CCDC170: variants seen among roughly 807,000 people sequenced by gnomAD.
CCDC170 encodes the protein coiled-coil domain-containing protein 170.
In CCDC170, 69 loss-of-function variants were observed where a neutral mutation model predicts 72.6. The ratio of observed to expected loss-of-function variants is 0.95; its 90% CI spans 0.78 to 1.16. The LOEUF (loss-of-function observed/expected upper bound fraction) is 1.16. Among genes scored for constraint, CCDC170 ranks in the 50% most tolerant of loss-of-function variants. The pLI, the probability that CCDC170 is intolerant of heterozygous loss-of-function variation, is 0.00. For synonymous variants in CCDC170, 300 were observed against 303.9 expected (o/e 0.99, Z 0.13); for missense variants, 852 against 832.5 (o/e 1.02, Z -0.29).
At chr6:151,609,388 C>T (rs1463591823) in intron 9 of CCDC170, among the ~76,000 whole-genome samples, 1 of 152,184 alleles carries the variant, frequency 6.6e-6, no homozygotes, top group Admixed American at 6.5e-5. Context: ...AACCTTCCAG[C>T]TGGAGAATTT....
Position 151,499,605 on chromosome 6 carries a change from G to A in CCDC170, c.57+5420G>A, listed in dbSNP as rs1478394226. On this transcript the variant is annotated intron_variant, in intron 1 of 10. Coordinates refer to ENST00000239374, the MANE Select transcript of CCDC170 (RefSeq NM_025059.4). ...CACGCTGTATAAGTGGAATCAGACC[G>A]TATTTGACTATTTTAGGCACGCTGC... Among the ~76,000 whole-genome samples, 3 of 148,860 alleles carry A rather than the reference G, an allele frequency of 2.0e-5. 1 individual carries two copies. The highest frequency in any genetic ancestry group is 7.7e-5 in the African/African-American group (3 of 39,206).
chr6:151,548,981 G>A (rs1782829954), intron 5 of CCDC170, among the ~76,000 whole-genome samples: 2 of 151,964 alleles, frequency 1.3e-5, no homozygotes, highest in African/African-American at 4.8e-5. Flanking sequence ...GCTTGCTGAA[G>A]CTCCGCCACC....
chr6:151,517,244 A>G (rs527641881), intron 1 of CCDC170, among the ~76,000 whole-genome samples: 2 of 152,222 alleles, frequency 1.3e-5, no homozygotes, highest in East Asian at 3.9e-4. Flanking sequence ...AGGCAGGAGA[A>G]TTGCTTGAAT....
intron 1 of CCDC170, among the ~76,000 whole-genome samples, chr6:151,533,228 T>TG (rs1173521274): frequency 4.6e-5 from 7 of 151,146 alleles, no homozygotes; most frequent in Admixed American, 6.6e-5. Flanking sequence ...TAATTTTTTT[T>TG]TATTTTTAGT....
intron 1 of CCDC170, among the ~76,000 whole-genome samples, chr6:151,513,194 A>G (rs377706585): frequency 6.6e-6 from 1 of 152,236 alleles, no homozygotes; most frequent in Admixed American, 6.5e-5. Flanking sequence ...ACATTTTAAA[A>G]GAACACTTGG....
At chr6:151,508,003 A>G (rs1218783842) in intron 1 of CCDC170, among the ~76,000 whole-genome samples, 1 of 152,136 alleles carries the variant, frequency 6.6e-6, no homozygotes, top group Non-Finnish European at 1.5e-5. Context: ...ATAATAGAAA[A>G]TTCAGTCTTA....
At chr6:151,503,102 G>A (rs200284855) in intron 1 of CCDC170, among the ~76,000 whole-genome samples, 11 of 152,056 alleles carry the variant, frequency 7.2e-5, no homozygotes, top group African/African-American at 9.7e-5. Context: ...GCTTGAAACC[G>A]GGAGGCAGAG....
intron 6 of CCDC170, among the ~76,000 whole-genome samples, chr6:151,573,713 G>T (rs551264428): frequency 6.6e-6 from 1 of 152,200 alleles, no homozygotes; most frequent in Non-Finnish European, 1.5e-5. Context: ...CACATCTTAC[G>T]TGGTGGCAGG....
Position 151,596,513 on chromosome 6 carries a change from T to C in CCDC170, c.1646T>C (p.Leu549Pro). The C allele has an allele frequency of 6.2e-7, 1 of 1,614,134 alleles. No individual in the cohort carries two copies. The highest frequency in any genetic ancestry group is 8.5e-7 in the Non-Finnish European group (1 of 1,180,022). ...AAGGTGGAGAGGCTGCAGAAAGAGC[T>C]GAACACGTGTCGAGACTTGCACACC... The part of the protein sequence containing the change: ...QKKVERLQKE[L>P]NTCRDLHTEL... The change falls in exon 9 of 11, where the codon CTG (leucine) becomes CCG (proline). Residue 549 changes from leucine (L) to proline (P), a missense_variant. Physicochemically the swap from Leu to Pro is moderately conservative, Grantham distance 98 (BLOSUM62 -3). Transcript: ENST00000239374.
At chr6:151,573,731 G>A (rs1009074795) in intron 6 of CCDC170, among the ~76,000 whole-genome samples, 1 of 152,240 alleles carries the variant, frequency 6.6e-6, no homozygotes, top group Non-Finnish European at 1.5e-5. Flanking sequence ...AGGCAAGAGA[G>A]AGAGTGTGCA....
At chr6:151,545,158 G>C (rs926331055) in intron 4 of CCDC170, among the ~76,000 whole-genome samples, 1 of 152,104 alleles carries the variant, frequency 6.6e-6, no homozygotes, top group African/African-American at 2.4e-5. Flanking sequence ...GGTGACTCAC[G>C]CCTGTAATCC....
At chr6:151,533,341 G>C (rs551794387) in intron 1 of CCDC170, among the ~76,000 whole-genome samples, 2 of 151,458 alleles carry the variant, frequency 1.3e-5, no homozygotes. Flanking sequence ...GGTGTGAGCC[G>C]CCGCACCTGG....
intron 6 of CCDC170, among the ~76,000 whole-genome samples, chr6:151,573,968 G>C (rs1011714461): frequency 6.6e-6 from 1 of 152,206 alleles, no homozygotes; most frequent in Non-Finnish European, 1.5e-5. Flanking sequence ...TTAAGGCCAG[G>C]CCTGGTGGCC....
At chr6:151,608,451 C>T (rs1044033789) in intron 9 of CCDC170, among the ~76,000 whole-genome samples, 27 of 152,152 alleles carry the variant, frequency 1.8e-4, no homozygotes, top group African/African-American at 5.8e-4. Flanking sequence ...TTTATGAAAC[C>T]GCTTTTGTAG....
At chr6:151,525,598 T>C (rs1002737679) in intron 1 of CCDC170, among the ~76,000 whole-genome samples, 12 of 152,148 alleles carry the variant, frequency 7.9e-5, no homozygotes, top group African/African-American at 2.9e-4. Flanking sequence ...ACCACAAAAA[T>C]TGCTCCTACC....
intron 1 of CCDC170, among the ~76,000 whole-genome samples, chr6:151,496,800 G>T (rs1014238796): frequency 1.3e-5 from 2 of 152,178 alleles, no homozygotes; most frequent in Non-Finnish European, 2.9e-5. Context: ...AACAATTAAT[G>T]TATCAGCATT....
intron 1 of CCDC170, among the ~76,000 whole-genome samples, chr6:151,515,148 T>A (rs1250498720): frequency 1.3e-5 from 2 of 152,264 alleles, no homozygotes; most frequent in African/African-American, 4.8e-5. Flanking sequence ...ATGCTCTACT[T>A]CAAAATTATC....
chr6:151,512,977 TC>T (rs552687472), intron 1 of CCDC170, among the ~76,000 whole-genome samples: 2 of 152,350 alleles, frequency 1.3e-5, no homozygotes, highest in Admixed American at 1.3e-4. Flanking sequence ...GGTGCTATTT[TC>T]TATGCAATGT....
chr6:151,616,150 G>C (rs1339106483), intron 10 of CCDC170, among the ~76,000 whole-genome samples: 1 of 152,108 alleles, frequency 6.6e-6, no homozygotes, highest in Non-Finnish European at 1.5e-5. Context: ...CATCATCATA[G>C]AGCTCTTAAC....
Sources: gnomAD v4.1 joint callset for allele counts (sites outside exome capture counted in the v4.1 genomes callset) on GRCh38, gnomAD v4.1.1 for gene constraint, MANE v1.5 for transcripts, NCBI Gene and HGNC (gene_info 2026-07-23, HGNC 2026-07-21) for gene names.